Variants in CCDC149 observed in about 807,000 individuals in gnomAD.
The protein encoded by CCDC149 is coiled-coil domain containing 149, also known as coiled-coil domain-containing protein 149.
In CCDC149, 45 loss-of-function variants were observed where a neutral mutation model predicts 59.9. The observed-to-expected ratio is 0.75, with a 90% CI of 0.59 to 0.96. CCDC149 has a LOEUF of 0.96. Ranked by LOEUF, CCDC149 falls within the 40% of genes least tolerant of loss-of-function variation. CCDC149 has a pLI of 0.00. For synonymous variants in CCDC149, 245 were observed against 260.6 expected, an observed-to-expected ratio of 0.94 and a Z score of 0.58; for missense variants, 584 against 664.7, an observed-to-expected ratio of 0.88 and a Z score of 1.33.
At chr4:24,864,365 G>C (rs564424348) in intron 3 of CCDC149, among the ~76,000 whole-genome samples, 6 of 152,246 alleles carry the variant, frequency 3.9e-5, no homozygotes, top group African/African-American at 1.4e-4. Context: ...TTGGCCTTTT[G>C]AGATGTCTTT....
intron 1 of CCDC149, among the ~76,000 whole-genome samples, chr4:24,880,011 G>A (rs968230804): frequency 6.6e-6 from 1 of 152,232 alleles, no homozygotes; most frequent in Non-Finnish European, 1.5e-5. Flanking sequence ...GTGAGTGTCT[G>A]TGCCATCTTT....
upstream of CCDC149, among the ~76,000 whole-genome samples, chr4:24,913,261 G>T (rs1390577200): frequency 6.6e-6 from 1 of 152,110 alleles, no homozygotes; most frequent in Non-Finnish European, 1.5e-5. Flanking sequence ...CCACGGGCAG[G>T]CCTGTGTCCC....
intron 3 of CCDC149, among the ~76,000 whole-genome samples, chr4:24,860,023 G>A (rs1718276665): frequency 6.6e-6 from 1 of 152,148 alleles, no homozygotes; most frequent in African/African-American, 2.4e-5. Context: ...ACTGCCAAAA[G>A]CAATCTATAA....
intron 1 of CCDC149, among the ~76,000 whole-genome samples, chr4:24,963,274 G>A (rs1327958972): frequency 1.3e-5 from 2 of 149,452 alleles, no homozygotes; most frequent in Non-Finnish European, 2.9e-5. Flanking sequence ...CAGTAAGACT[G>A]AACAGAGAGT....
intron 1 of CCDC149, among the ~76,000 whole-genome samples, chr4:24,881,925 C>G (rs1412359190): frequency 6.6e-6 from 1 of 152,138 alleles, no homozygotes; most frequent in Non-Finnish European, 1.5e-5. Context: ...AGAATTGGAA[C>G]CCAGCTCATT....
intron 1 of CCDC149, among the ~76,000 whole-genome samples, chr4:24,900,971 C>T (rs1721130371): frequency 6.6e-6 from 1 of 152,162 alleles, no homozygotes; most frequent in Non-Finnish European, 1.5e-5. Context: ...CATGAAGAGG[C>T]TCGAACACCA....
intron 4 of CCDC149, among the ~76,000 whole-genome samples, chr4:24,842,892 C>T (rs758675053): frequency 6.6e-6 from 1 of 152,230 alleles, no homozygotes; most frequent in Non-Finnish European, 1.5e-5. Flanking sequence ...CAGTGAGAGG[C>T]AGCCAGTTGC....
chr4:24,918,509 T>C (rs1316916654), intron 1 of CCDC149, among the ~76,000 whole-genome samples: 1 of 152,112 alleles, frequency 6.6e-6, no homozygotes, highest in East Asian at 1.9e-4. Flanking sequence ...AGACAGCACA[T>C]CAAACCATTC....
chr4:24,861,913 A>C (rs949871828), intron 3 of CCDC149, among the ~76,000 whole-genome samples: 1 of 152,158 alleles, frequency 6.6e-6, no homozygotes, highest in Non-Finnish European at 1.5e-5. Flanking sequence ...TTTTGAGCTG[A>C]AGGCAACTGA....
intron 2 of CCDC149, 61 bp downstream of exon 2, chr4:24,876,475 T>G: frequency 6.7e-7 from 1 of 1,497,076 alleles, no homozygotes; most frequent in Non-Finnish European, 9.0e-7. Context: ...CATGTGAAAA[T>G]CTCTTTATAT....
chr4:24,878,635 G>A (rs1398093460), intron 1 of CCDC149, among the ~76,000 whole-genome samples: 1 of 152,230 alleles, frequency 6.6e-6, no homozygotes, highest in African/African-American at 2.4e-5. Context: ...TGTGAGTATC[G>A]GTGACCCAAA....
chr4:24,930,448 G>A (rs1577490593), intron 1 of CCDC149, among the ~76,000 whole-genome samples: 1 of 152,188 alleles, frequency 6.6e-6, no homozygotes. Flanking sequence ...GATTACAGCA[G>A]CTAGGATTAC....
chr4:24,884,027 G>T (rs1408197181), intron 1 of CCDC149, among the ~76,000 whole-genome samples: 1 of 152,174 alleles, frequency 6.6e-6, no homozygotes, highest in Non-Finnish European at 1.5e-5. Context: ...GACACTCCTA[G>T]AGGTAACCGC....
rs114195194 is a variant in CCDC149, at chr4:24,883,397, G to T, written c.64-6700C>A. Among the ~76,000 whole-genome samples the T allele has an allele frequency of 2.0e-3, 247 of 124,582 alleles. 1 individual carries two copies. The highest frequency in any genetic ancestry group is 6.4e-3 in the African/African-American group (235 of 36,556). The allele number at this position is 124,582 out of a possible 152,430, so 81.7% of individuals were successfully genotyped here. Reference sequence around the variant, plus strand: ...TCTGAAAACTACTGTTCTCTAATAAGCCACTCTGGACACTTACCCATTCAT... The same window carrying T: ...TCTGAAAACTACTGTTCTCTAATAATCCACTCTGGACACTTACCCATTCAT... On this transcript the variant is annotated intron_variant, in intron 1 of 12. Transcript: ENST00000635206.
At chr4:24,930,645 C>T (rs945238349) in intron 1 of CCDC149, among the ~76,000 whole-genome samples, 2 of 152,026 alleles carry the variant, frequency 1.3e-5, no homozygotes, top group African/African-American at 2.4e-5. Flanking sequence ...CTCAGCCACT[C>T]CCCAACTCCC....
chr4:24,874,834 CA>C (rs1353903780), intron 2 of CCDC149, among the ~76,000 whole-genome samples: 2 of 152,180 alleles, frequency 1.3e-5, no homozygotes. Context: ...GAGATCGCCT[CA>C]AAAGCAGCAA....
At position 24,912,897 on chromosome 4, in the gene CCDC149, G is replaced by GGACCCCCGCCGCCTCCTC; in HGVS notation, c.-36_-19dup. On this transcript the variant is annotated 5_prime_UTR_variant, in exon 1 of 13. Transcript: ENST00000635206. Reference sequence around the variant, plus strand: ...TCCTCCATGCGCTGGCCGGCCTCCTGGACCCCCGCCGCCTCCTCCTCCTCG... The same window carrying GGACCCCCGCCGCCTCCTC: ...TCCTCCATGCGCTGGCCGGCCTCCTGGACCCCCGCCGCCTCCTCGACCCCCGCCGCCTCCTCCTCCTCG... The GGACCCCCGCCGCCTCCTC allele has an allele frequency of 7.6e-7, 1 of 1,323,956 alleles. No homozygotes were observed. The highest frequency in any genetic ancestry group is 9.8e-7 in the Non-Finnish European group (1 of 1,018,460). The allele number at this position is 1,323,956 out of a possible 1,614,324, so 82.0% of individuals were successfully genotyped here.
chr4:24,944,725 C>T (rs1208801865), intron 1 of CCDC149, among the ~76,000 whole-genome samples: 3 of 152,070 alleles, frequency 2.0e-5, no homozygotes, highest in Non-Finnish European at 4.4e-5. Flanking sequence ...CAAACCTGCA[C>T]GTTCAGCACA....
At chr4:24,902,471 C>T (rs1446551307) in intron 1 of CCDC149, among the ~76,000 whole-genome samples, 1 of 152,232 alleles carries the variant, frequency 6.6e-6, no homozygotes, top group East Asian at 1.9e-4. Flanking sequence ...AATCTCATTG[C>T]CTGCTGTACT....
Sources: allele counts gnomAD v4.1 joint callset (sites outside exome capture counted in the v4.1 genomes callset), GRCh38; gene constraint gnomAD v4.1.1; transcripts MANE v1.5; gene names NCBI Gene and HGNC (gene_info 2026-07-23, HGNC 2026-07-21).